The following KCNN1 variants were observed in gnomAD, a reference collection of about 807,000 sequenced individuals.
KCNN1 encodes potassium calcium-activated channel subfamily N member 1, also known as small conductance calcium-activated potassium channel protein 1.
KCNN1 carries 20 observed loss-of-function variants against 44.7 expected under a neutral mutation model. The ratio of observed to expected loss-of-function variants is 0.45; its 90% CI spans 0.32 to 0.65. The LOEUF (loss-of-function observed/expected upper bound fraction) is 0.65. KCNN1 is among the 30% of genes least tolerant of loss of function. The pLI is 0.05. For missense variants in KCNN1, 632 were observed against 785.3 expected, an observed-to-expected ratio of 0.80 and a Z score of 2.33; for synonymous variants, 324 against 341.7, an observed-to-expected ratio of 0.95 and a Z score of 0.57.
Position 17,998,364 on chromosome 19 carries a change from C to T in KCNN1, c.1590C>T (p.Ser530=), listed in dbSNP as rs752487169. 103 of 1,504,942 alleles carry T rather than the reference C, an allele frequency of 6.8e-5. No homozygotes were observed. Among genetic ancestry groups the T allele is most frequent in the Non-Finnish European group, 8.5e-5 (96 of 1,130,006 alleles). The allele number at this position is 1,504,942 out of a possible 1,614,324, so 93.2% of individuals were successfully genotyped here. The change falls in exon 10 of 10, where the codon TCC becomes TCT. Residue 530 remains serine, a synonymous_variant. Coordinates refer to ENST00000684775, the MANE Select transcript of KCNN1 (RefSeq NM_001386974.1). The surrounding 1 kb of genome is among the most constrained non-coding windows in gnomAD (Gnocchi z 5.4). ...CCCAAGACCAGGCAGCCCGGAGCTC[C>T]CCCTGCCGGTGGACGCCCGTGGCCC... The part of the protein sequence containing the change: ...PGPQDQAARS[S]PCRWTPVAPS...
At chr19:17,965,668 A>G (rs1254708568), upstream of KCNN1, among the ~76,000 whole-genome samples, 2 of 152,034 alleles carry the variant, frequency 1.3e-5, no homozygotes, top group African/African-American at 4.8e-5. Context: ...GAGTCCCCAC[A>G]ACCCCTTTCT....
At chr19:17,960,100 C>CA (rs1254089656) in intron 2 of KCNN1, among the ~76,000 whole-genome samples, 16 of 141,822 alleles carry the variant, frequency 1.1e-4, no homozygotes, top group African/African-American at 3.3e-4. Flanking sequence ...CTAAACCAAA[C>CA]AAAAAAACAA....
chr19:17,990,697 G>A (rs1386478038), intron 7 of KCNN1, among the ~76,000 whole-genome samples: 1 of 151,228 alleles, frequency 6.6e-6, no homozygotes, highest in Non-Finnish European at 1.5e-5. Flanking sequence ...CTACTCGGGA[G>A]GCTGAGGCAG....
Position 17,993,346 on chromosome 19 carries a change from A to G in KCNN1, c.1308-144A>G, listed in dbSNP as rs2290640. On this transcript the variant is annotated intron_variant, in intron 8 of 9. Transcript: ENST00000684775. The surrounding 1 kb of genome is among the most constrained non-coding windows in gnomAD (Gnocchi z 4.5). ...TGTGTACTGGGAGGGAATAGACTAC[A>G]GGGAATCGGCCTCCCAACTCCCACC... 118,003 of 710,284 alleles carry G rather than the reference A, an allele frequency of 0.17. 10,271 individuals are homozygous for G. Among genetic ancestry groups the G allele is most frequent in the African/African-American group, 0.21 (12,069 of 57,384 alleles). 44.0% of individuals were successfully genotyped at this position (710,284 alleles called of 1,614,324 possible).
At position 17,951,783 on chromosome 19, in the gene KCNN1, G is replaced by A. The variant is rs544503826; in HGVS notation, c.-203+374G>A. On this transcript the variant is annotated intron_variant, in intron 1 of 10. Coordinates refer to the KCNN1 transcript ENST00000222249. Reference sequence around the variant, plus strand: ...CTGGGTCCCCCGATCCTCCCCAGTGGCGTGGTGGGGAGGCTTTAATTGTCT... The same window carrying A: ...CTGGGTCCCCCGATCCTCCCCAGTGACGTGGTGGGGAGGCTTTAATTGTCT... Among the ~76,000 whole-genome samples, 12 of 152,288 alleles carry A rather than the reference G, an allele frequency of 7.9e-5. No individual in the cohort carries two copies. The East Asian group carries it at 2.3e-3, about 29-fold the overall frequency.
At chr19:17,978,735 G>A (rs1295812416) in intron 3 of KCNN1, among the ~76,000 whole-genome samples, 1 of 150,808 alleles carries the variant, frequency 6.6e-6, no homozygotes, top group East Asian at 2.0e-4. Context: ...TTATAGGTGT[G>A]AGCCACAGAC....
intron 4 of KCNN1, among the ~76,000 whole-genome samples, chr19:17,984,930 TG>T (rs958134921): frequency 6.6e-6 from 1 of 152,044 alleles, no homozygotes; most frequent in African/African-American, 2.4e-5. Context: ...CCTCCCTCCT[TG>T]GGGCCTTGCT....
intron 3 of KCNN1, among the ~76,000 whole-genome samples, chr19:17,978,370 C>T (rs554532898): frequency 6.6e-6 from 1 of 150,406 alleles, no homozygotes; most frequent in East Asian, 2.0e-4. Flanking sequence ...CGTGTTCCAC[C>T]CGCCTCGGCC....
intron 9 of KCNN1, among the ~76,000 whole-genome samples, chr19:17,995,387 T>G (rs1401374046): frequency 6.6e-6 from 1 of 152,118 alleles, no homozygotes; most frequent in South Asian, 2.1e-4. Context: ...TTGCCCAGGC[T>G]GGTCTCAAAC....
At position 17,993,672 on chromosome 19, in the gene KCNN1, G is replaced by A. The variant is rs1264420803; in HGVS notation, c.1377+113G>A. 1 of 813,974 alleles carries A rather than the reference G, an allele frequency of 1.2e-6. No individual in the cohort carries two copies. Among genetic ancestry groups the A allele is most frequent in the African/African-American group, 1.7e-5 (1 of 59,482 alleles). The allele number at this position is 813,974 out of a possible 1,614,324, so 50.4% of individuals were successfully genotyped here. A position where few individuals can be genotyped will look rare whatever the true frequency, so the allele number is the denominator to read the frequency against. ...CACAAGGACCCGCTGTGGGCTGAGT[G>A]CAGTGGCGGGCGGATCGCTTGAGCT... On this transcript the variant is annotated intron_variant, in intron 9 of 9. Coordinates refer to ENST00000684775, the MANE Select transcript of KCNN1 (RefSeq NM_001386974.1). This position sits in a 1 kb window ranked among gnomAD's most constrained non-coding sequence, Gnocchi z 4.5.
intron 2 of KCNN1, among the ~76,000 whole-genome samples, chr19:17,955,428 C>T (rs2031518284): frequency 6.6e-6 from 1 of 150,378 alleles, no homozygotes; most frequent in Non-Finnish European, 1.5e-5. Flanking sequence ...AGGCATGGTG[C>T]TGCATGCCTG....
upstream of KCNN1, among the ~76,000 whole-genome samples, chr19:17,964,739 C>T (rs780276246): frequency 2.6e-5 from 4 of 152,232 alleles, no homozygotes; most frequent in Non-Finnish European, 4.4e-5. The surrounding 1 kb of genome is among the most constrained non-coding windows in gnomAD (Gnocchi z 4.3). Context: ...AGGACTGACT[C>T]AGGTGGGAGG....
intron 3 of KCNN1, among the ~76,000 whole-genome samples, chr19:17,980,067 T>TC (rs1194359233): frequency 1.3e-5 from 2 of 148,698 alleles, no homozygotes; most frequent in African/African-American, 2.5e-5. Context: ...TTTCTTTCTT[T>TC]TTTTTTTTTT....
chr19:17,967,683 C>T (rs1021767723), intron 1 of KCNN1, among the ~76,000 whole-genome samples: 12 of 151,848 alleles, frequency 7.9e-5, no homozygotes, highest in Non-Finnish European at 1.8e-4. Flanking sequence ...CCACCACTGG[C>T]CCCTGGATCC....
chr19:17,999,859 T>C lies in KCNN1; in HGVS notation c.*1453T>C, dbSNP rs1385976897. On this transcript the variant is annotated 3_prime_UTR_variant, in exon 10 of 10. Transcript: ENST00000684775. The stretch of plus-strand genomic sequence containing the variant: ...GTGGCTGGTGCATGAATGACCAGCT[T>C]GGGCCCACGCACGAGAAGGGTATGA... 1 of 415,044 alleles carries C rather than the reference T, an allele frequency of 2.4e-6. No individual in the cohort carries two copies. The highest frequency in any genetic ancestry group is 4.9e-6 in the Non-Finnish European group (1 of 204,868). 25.7% of individuals were successfully genotyped at this position (415,044 alleles called of 1,614,324 possible).
Position 17,983,540 on chromosome 19 carries a change from G to A in KCNN1, c.917+1413G>A, listed in dbSNP as rs1053944944. ...TCAGAACTAGGGTTAGGGGTATGGG[G>A]TGCCCCTCGTCAGGTATCCCTGAGG... On this transcript the variant is annotated intron_variant, in intron 4 of 9. Transcript: ENST00000684775. This position sits in a 1 kb window ranked among gnomAD's most constrained non-coding sequence, Gnocchi z 4.5. Among the ~76,000 whole-genome samples, 2 of 152,212 alleles carry A rather than the reference G, an allele frequency of 1.3e-5. No individual in the cohort carries two copies. The highest frequency in any genetic ancestry group is 3.9e-4 in the East Asian group (2 of 5,170).
At chr19:17,957,811 G>C (rs760626496) in intron 2 of KCNN1, among the ~76,000 whole-genome samples, 2 of 152,144 alleles carry the variant, frequency 1.3e-5, no homozygotes, top group Non-Finnish European at 2.9e-5. Context: ...ATTTTCAGAA[G>C]CCCTGTGGCT....
At chr19:17,976,606 C>T (rs1307219667) in intron 3 of KCNN1, among the ~76,000 whole-genome samples, 4 of 151,948 alleles carry the variant, frequency 2.6e-5, no homozygotes, top group South Asian at 2.1e-4. Flanking sequence ...TTAGTAGAGA[C>T]GGGGTTTCTC....
At chr19:17,965,272 T>C, upstream of KCNN1, among the ~76,000 whole-genome samples, 1 of 115,106 alleles carries the variant, frequency 8.7e-6, no homozygotes, top group African/African-American at 4.0e-5. Flanking sequence ...AGACTCTGTC[T>C]CAAAAAAAAA....
Sources: gnomAD v4.1 joint callset for allele counts (sites outside exome capture counted in the v4.1 genomes callset) on GRCh38, gnomAD v4.1.1 for gene constraint, Gnocchi (gnomAD v3.1) non-coding constraint, MANE v1.5 for transcripts, NCBI Gene and HGNC (gene_info 2026-07-23, HGNC 2026-07-21) for gene names.